The following NAV1 variants were observed in gnomAD, a reference collection of about 807,000 sequenced individuals.
NAV1 encodes the protein pore membrane and/or filament interacting like protein 3.
In NAV1, 18 loss-of-function variants were observed where a neutral mutation model predicts 175.2. That is an observed-to-expected ratio of 0.10 (90% CI 0.07 to 0.15). NAV1 has a LOEUF of 0.15. Ranked by LOEUF, NAV1 falls within the 10% of genes least tolerant of loss-of-function variation. The probability of loss-of-function intolerance (pLI) is 1.00; values close to 1 mark genes in which losing one functional copy is unlikely to be tolerated. For synonymous variants in NAV1, 897 were observed against 978.7 expected, an observed-to-expected ratio of 0.92 and a Z score of 1.56; for missense variants, 1,731 against 2,436.6, an observed-to-expected ratio of 0.71 and a Z score of 6.10.
intron 3 of NAV1, among the ~76,000 whole-genome samples, chr1:201,773,231 CA>C (rs1355533842): frequency 6.6e-6 from 1 of 152,034 alleles, no homozygotes; most frequent in African/African-American, 2.4e-5. Flanking sequence ...AAAAAATACA[CA>C]GAGACAGGGT....
intron 1 of NAV1, among the ~76,000 whole-genome samples, chr1:201,679,110 C>T (rs1156907338): frequency 2.0e-5 from 3 of 152,122 alleles, no homozygotes; most frequent in Non-Finnish European, 2.9e-5. Context: ...CTGACTGCAG[C>T]GGGGAGCCAA....
intron 2 of NAV1, among the ~76,000 whole-genome samples, chr1:201,597,619 C>T (rs147151646): frequency 8.5e-4 from 129 of 152,300 alleles, no homozygotes; most frequent in African/African-American, 3.1e-3. Flanking sequence ...CCCCTTCCCA[C>T]AGGCTGCAGA....
intron 2 of NAV1, among the ~76,000 whole-genome samples, chr1:201,610,201 T>C (rs1473877724): frequency 1.3e-5 from 2 of 152,242 alleles, no homozygotes; most frequent in African/African-American, 4.8e-5. Context: ...TGGGACAGTT[T>C]TAAACCATTG....
At chr1:201,731,334 G>C (rs948176506) in intron 3 of NAV1, among the ~76,000 whole-genome samples, 1 of 152,092 alleles carries the variant, frequency 6.6e-6, no homozygotes, top group Admixed American at 6.6e-5. Context: ...GAGGACACAG[G>C]CCCGCCGATG....
At chr1:201,688,207 G>A (rs1670756930) in intron 1 of NAV1, 1 of 152,272 alleles carries the variant, frequency 6.6e-6, no homozygotes. Context: ...CTCTCCCTGT[G>A]TGCCAGGCCT....
chr1:201,597,934 T>C (rs1283533555), intron 2 of NAV1, among the ~76,000 whole-genome samples: 1 of 152,192 alleles, frequency 6.6e-6, no homozygotes, highest in African/African-American at 2.4e-5. Context: ...CCCACCCACC[T>C]TGGCCAGGGA....
chr1:201,782,126 T>C lies in NAV1; in HGVS notation c.1664-50T>C. On this transcript the variant is annotated intron_variant, in intron 5 of 29. Transcript: ENST00000367296. This position sits in a 1 kb window ranked among gnomAD's most constrained non-coding sequence, Gnocchi z 5.4. The stretch of plus-strand genomic sequence containing the variant: ...GGAGGGAAAGAAAAGGGTGGGTTTT[T>C]AAGATACTGGTCAGTTTCAGCTCTT... 1 of 1,490,008 alleles carries C rather than the reference T, an allele frequency of 6.7e-7. No individual in the cohort carries two copies. Among genetic ancestry groups the C allele is most frequent in the Non-Finnish European group, 9.0e-7 (1 of 1,109,206 alleles). The allele number at this position is 1,490,008 out of a possible 1,614,324, so 92.3% of individuals were successfully genotyped here.
chr1:201,709,643 C>A (rs964920145), intron 1 of NAV1, among the ~76,000 whole-genome samples: 2 of 152,180 alleles, frequency 1.3e-5, no homozygotes, highest in African/African-American at 4.8e-5. Flanking sequence ...GAGCGGCATA[C>A]CCATGATGGC....
At chr1:201,659,759 C>G (rs1472079394) in intron 1 of NAV1, among the ~76,000 whole-genome samples, 1 of 152,226 alleles carries the variant, frequency 6.6e-6, no homozygotes, top group Admixed American at 6.5e-5. Flanking sequence ...TGGAGCCCTC[C>G]GAGCAGATGG....
At chr1:201,674,476 A>G (rs922217319) in intron 1 of NAV1, among the ~76,000 whole-genome samples, 2 of 152,184 alleles carry the variant, frequency 1.3e-5, no homozygotes, top group African/African-American at 4.8e-5. Flanking sequence ...GCCCTCCAGC[A>G]AAACATGTAT....
chr1:201,756,898 C>T (rs1020441204), intron 3 of NAV1, among the ~76,000 whole-genome samples: 2 of 137,050 alleles, frequency 1.5e-5, no homozygotes, highest in Non-Finnish European at 3.1e-5. Context: ...GTCTTTCTCC[C>T]CACTACTTTG....
upstream of NAV1, among the ~76,000 whole-genome samples, chr1:201,645,142 G>A (rs942852952): frequency 1.9e-4 from 29 of 152,092 alleles, no homozygotes; most frequent in African/African-American, 6.8e-4. Flanking sequence ...CAAAGACTTG[G>A]AACCAACCTA....
At chr1:201,617,222 C>G (rs1456411532) in intron 2 of NAV1, among the ~76,000 whole-genome samples, 4 of 151,740 alleles carry the variant, frequency 2.6e-5, no homozygotes, top group Non-Finnish European at 4.4e-5. Context: ...CTCTCTCTCT[C>G]TCTCTCTCTC....
chr1:201,637,877 A>T (rs1204353302), intron 2 of NAV1, among the ~76,000 whole-genome samples: 1 of 152,214 alleles, frequency 6.6e-6, no homozygotes, highest in Admixed American at 6.5e-5. Context: ...GCTGAGGCCC[A>T]GTGTGCAATA....
chr1:201,720,854 G>T (rs1031262786), intron 3 of NAV1, among the ~76,000 whole-genome samples: 1 of 151,882 alleles, frequency 6.6e-6, no homozygotes, highest in African/African-American at 2.4e-5. Flanking sequence ...GATTCTTACC[G>T]TCAGGGGTGT....
chr1:201,741,431 C>T (rs999935520), intron 3 of NAV1, among the ~76,000 whole-genome samples: 4 of 152,092 alleles, frequency 2.6e-5, no homozygotes, highest in Admixed American at 1.3e-4. Context: ...GAGAATAAAC[C>T]CATGTAGGGA....
At chr1:201,757,936 C>T (rs1296027832) in intron 3 of NAV1, among the ~76,000 whole-genome samples, 5 of 152,242 alleles carry the variant, frequency 3.3e-5, no homozygotes, top group African/African-American at 1.2e-4. Flanking sequence ...GCTGCACCCA[C>T]GCATAGGACC....
intron 15 of NAV1, among the ~76,000 whole-genome samples, chr1:201,800,301 C>T (rs553585448): frequency 1.3e-5 from 2 of 152,202 alleles, no homozygotes; most frequent in South Asian, 4.2e-4. Flanking sequence ...ACACCCAGCC[C>T]CTTTATTTTA....
At chr1:201,679,736 G>T (rs1393440281) in intron 1 of NAV1, among the ~76,000 whole-genome samples, 1 of 152,220 alleles carries the variant, frequency 6.6e-6, no homozygotes, top group East Asian at 1.9e-4. Context: ...AAGGGGTTTT[G>T]AACAGGTGTC....
Sources: gnomAD v4.1 joint callset for allele counts (sites outside exome capture counted in the v4.1 genomes callset) on GRCh38, gnomAD v4.1.1 for gene constraint, Gnocchi (gnomAD v3.1) non-coding constraint, MANE v1.5 for transcripts, NCBI Gene and HGNC (gene_info 2026-07-23, HGNC 2026-07-21) for gene names.